PKNOX2: variants seen among roughly 807,000 people sequenced by gnomAD.
PKNOX2 encodes the protein homeobox protein PKNOX2.
In PKNOX2, 14 loss-of-function variants were observed where a neutral mutation model predicts 53.1. The observed-to-expected ratio is 0.26, with a 90% confidence interval of 0.17 to 0.41. The LOEUF (loss-of-function observed/expected upper bound fraction) is 0.41, where lower values mean the gene tolerates loss of function less well. PKNOX2 is among the 10% of genes least tolerant of loss of function. PKNOX2 has a pLI of 1.00. For missense variants in PKNOX2, 496 were observed against 602.8 expected, an observed-to-expected ratio of 0.82 and a Z score of 1.85; for synonymous variants, 257 against 242.8, an observed-to-expected ratio of 1.06 and a Z score of -0.54.
In PKNOX2 at chr11:125,370,146, C is replaced by A. The variant is rs529685835; in HGVS notation, c.227+2161C>A. 6.6e-6 allele frequency among the ~76,000 whole-genome samples: 1 copy of A among 152,148 alleles called. No homozygotes were observed. The highest frequency in any genetic ancestry group is 1.5e-5 in the Non-Finnish European group (1 of 68,030). On this transcript the variant is annotated intron_variant, in intron 5 of 12. Coordinates refer to ENST00000298282, the MANE Select transcript of PKNOX2 (RefSeq NM_001382323.2). This position sits in a 1 kb window ranked among gnomAD's most constrained non-coding sequence, Gnocchi z 4.1. ...AGTTTTTGGAAACCTAGGTTTGAGT[C>A]CCACCTCCACTGTGTCCTAGCCTCT...
At chr11:125,288,484 C>T (rs1302878854) in intron 2 of PKNOX2, among the ~76,000 whole-genome samples, 1 of 152,238 alleles carries the variant, frequency 6.6e-6, no homozygotes, top group African/African-American at 2.4e-5. Flanking sequence ...GAACTGAAGA[C>T]CCTGTCTCCA....
intron 2 of PKNOX2, chr11:125,288,166 G>A (rs548889415): frequency 2.5e-4 from 38 of 152,328 alleles, no homozygotes; most frequent in African/African-American, 9.1e-4. Flanking sequence ...AACAGAAGCC[G>A]GGAGTCCTGG....
intron 2 of PKNOX2, among the ~76,000 whole-genome samples, chr11:125,242,942 G>A (rs1216858654): frequency 6.6e-6 from 1 of 152,196 alleles, no homozygotes; most frequent in Non-Finnish European, 1.5e-5. Context: ...GTGCATTTTG[G>A]TGTCAGACAG....
At chr11:125,218,059 G>A (rs1940723293) in intron 1 of PKNOX2, among the ~76,000 whole-genome samples, 1 of 152,152 alleles carries the variant, frequency 6.6e-6, no homozygotes, top group South Asian at 2.1e-4. Flanking sequence ...CTTAGAGCAG[G>A]CAGATTTGGA....
intron 2 of PKNOX2, among the ~76,000 whole-genome samples, chr11:125,330,745 T>C (rs1472077212): frequency 3.3e-5 from 5 of 152,050 alleles, no homozygotes; most frequent in Non-Finnish European, 7.4e-5. Flanking sequence ...AAAGTCTCAT[T>C]GTTTAGGCAA....
chr11:125,322,155 G>A (rs1427475493), intron 2 of PKNOX2, among the ~76,000 whole-genome samples: 1 of 152,126 alleles, frequency 6.6e-6, no homozygotes, highest in Non-Finnish European at 1.5e-5. Flanking sequence ...AAGTTAGGTA[G>A]GAGCCATGTC....
At chr11:125,367,483 A>G (rs1302614542) in intron 4 of PKNOX2, among the ~76,000 whole-genome samples, 1 of 152,100 alleles carries the variant, frequency 6.6e-6, no homozygotes, top group East Asian at 1.9e-4. Context: ...CATCAAATCA[A>G]CGCTATGATG....
intron 2 of PKNOX2, among the ~76,000 whole-genome samples, chr11:125,238,789 G>A (rs1031714557): frequency 2.8e-4 from 43 of 152,194 alleles, no homozygotes; most frequent in African/African-American, 9.4e-4. Flanking sequence ...GCACATGAAG[G>A]AAACAGATGG....
intron 3 of PKNOX2, among the ~76,000 whole-genome samples, chr11:125,348,114 C>T (rs1442313351): frequency 2.6e-5 from 4 of 152,206 alleles, no homozygotes; most frequent in Non-Finnish European, 5.9e-5. Flanking sequence ...CCAGGACCCC[C>T]GCTGTGGCTC....
At chr11:125,303,001 C>G (rs984076562) in intron 2 of PKNOX2, among the ~76,000 whole-genome samples, 1 of 152,126 alleles carries the variant, frequency 6.6e-6, no homozygotes, top group Non-Finnish European at 1.5e-5. Context: ...CCCAGCAGCC[C>G]CAGCCCTCTA....
At chr11:125,275,343 T>C (rs532541554) in intron 2 of PKNOX2, among the ~76,000 whole-genome samples, 1 of 152,086 alleles carries the variant, frequency 6.6e-6, no homozygotes, top group South Asian at 2.1e-4. Context: ...CCTGAGCCAG[T>C]GTGCATGGGG....
At chr11:125,221,722 T>C (rs139697120) in intron 1 of PKNOX2, among the ~76,000 whole-genome samples, 1 of 152,320 alleles carries the variant, frequency 6.6e-6, no homozygotes, top group African/African-American at 2.4e-5. Flanking sequence ...ACACAATTTG[T>C]ATGCAATTTG....
At chr11:125,388,822 C>G (rs1205185996) in intron 6 of PKNOX2, among the ~76,000 whole-genome samples, 2 of 152,168 alleles carry the variant, frequency 1.3e-5, no homozygotes, top group Admixed American at 6.5e-5. Flanking sequence ...CAGTGGGAAC[C>G]TCCCTCCCTC....
chr11:125,356,619 T>C (rs1951632466), intron 4 of PKNOX2, among the ~76,000 whole-genome samples: 1 of 152,188 alleles, frequency 6.6e-6, no homozygotes, highest in African/African-American at 2.4e-5. Flanking sequence ...GACAACATTG[T>C]CTCACTTACC....
rs146292951 is a variant in PKNOX2 at position 125,363,312 on chromosome 11, A to G, written c.88-4534A>G. Among the ~76,000 whole-genome samples, 333 of 152,358 alleles carry G rather than the reference A, an allele frequency of 2.2e-3. 2 individuals carry two copies. Among genetic ancestry groups the G allele is most frequent in the African/African-American group, 7.8e-3 (325 of 41,578 alleles). ...GAATGCTGCCTCCTGCCCCATCAGT[A>G]GCCATTGTCTGGTTCTCTTGATTAA... On this transcript the variant is annotated intron_variant, in intron 4 of 12. Transcript: ENST00000298282.
chr11:125,385,602 C>T lies in PKNOX2; in HGVS notation c.279C>T (p.Ala93=). Residue 93 remains alanine (A), a synonymous_variant, in exon 6 of 13, where the codon GCC becomes GCT. Transcript: ENST00000298282. ...TGCTGTTTGAGAAATGTGAACAGGC[C>T]ACCCAGGGCTCTGAGTGCATCACCT... ...LTLLFEKCEQ[A]TQGSECITSA... The T allele has an allele frequency of 6.2e-7, 1 of 1,613,050 alleles. No homozygotes were observed.
intron 1 of PKNOX2, among the ~76,000 whole-genome samples, chr11:125,188,456 TA>T (rs1252510977): frequency 6.6e-6 from 1 of 152,230 alleles, no homozygotes; most frequent in Non-Finnish European, 1.5e-5. Context: ...TGTGCCATGG[TA>T]AAAAGGTTGT....
intron 1 of PKNOX2, among the ~76,000 whole-genome samples, chr11:125,218,331 C>T (rs1410869810): frequency 1.3e-5 from 2 of 150,520 alleles, no homozygotes; most frequent in African/African-American, 4.9e-5. Context: ...GGTGGGGGCT[C>T]GGCCATGTAA....
At chr11:125,315,862 C>T (rs1949152647) in intron 2 of PKNOX2, among the ~76,000 whole-genome samples, 1 of 152,180 alleles carries the variant, frequency 6.6e-6, no homozygotes, top group Admixed American at 6.5e-5. Flanking sequence ...CTCTACACTA[C>T]AAGCAGGTAC....
Sources: gnomAD v4.1 joint callset for allele counts (sites outside exome capture counted in the v4.1 genomes callset) on GRCh38, gnomAD v4.1.1 for gene constraint, Gnocchi (gnomAD v3.1) non-coding constraint, MANE v1.5 for transcripts, NCBI Gene and HGNC (gene_info 2026-07-23, HGNC 2026-07-21) for gene names.